Variants in LRMDA observed in about 807,000 individuals in gnomAD.
LRMDA encodes leucine rich melanocyte differentiation associated.
In LRMDA, 18 loss-of-function variants were observed where a neutral mutation model predicts 29.8. The ratio of observed to expected loss-of-function variants is 0.60; its 90% CI spans 0.42 to 0.90. LRMDA has a LOEUF of 0.90. Among genes scored for constraint, LRMDA ranks in the 40% least tolerant of loss-of-function variants. LRMDA has a pLI of 0.00. For synonymous variants in LRMDA, 125 were observed against 109.4 expected (o/e 1.14, Z -0.89); for missense variants, 273 against 273.9 (o/e 1.00, Z 0.02).
intron 5 of LRMDA, among the ~76,000 whole-genome samples, chr10:76,084,149 T>TAC (rs1198371176): frequency 4.6e-5 from 7 of 152,262 alleles, no homozygotes; most frequent in Non-Finnish European, 7.4e-5. Context: ...TCCAAGGGAC[T>TAC]TGGCTCAGTA....
At chr10:76,200,739 C>T (rs1289648802) in intron 5 of LRMDA, among the ~76,000 whole-genome samples, 1 of 146,764 alleles carries the variant, frequency 6.8e-6, no homozygotes, top group Admixed American at 6.9e-5. Flanking sequence ...CTTTCTGAGA[C>T]AGGGCTTAGC....
intron 2 of LRMDA, among the ~76,000 whole-genome samples, chr10:75,581,953 C>T (rs1022480619): frequency 6.6e-5 from 10 of 152,138 alleles, no homozygotes; most frequent in Admixed American, 2.0e-4. Flanking sequence ...CTTAAAGCTC[C>T]AAGATAGTAT....
intron 2 of LRMDA, among the ~76,000 whole-genome samples, chr10:75,984,343 A>G (rs1005602957): frequency 1.4e-4 from 21 of 152,136 alleles, no homozygotes; most frequent in African/African-American, 4.6e-4. Flanking sequence ...GCCTACGCAG[A>G]GCTTCCCTGC....
At chr10:76,401,903 G>T (rs775376084) in intron 6 of LRMDA, among the ~76,000 whole-genome samples, 2 of 152,124 alleles carry the variant, frequency 1.3e-5, no homozygotes, top group Non-Finnish European at 2.9e-5. Flanking sequence ...CTGACTAGGG[G>T]TATAGTGGGA....
chr10:76,134,091 G>A (rs1351043769), intron 5 of LRMDA, among the ~76,000 whole-genome samples: 1 of 152,156 alleles, frequency 6.6e-6, no homozygotes, highest in East Asian at 1.9e-4. Context: ...GAGCTTTCGA[G>A]GCACTGCAGC....
intron 5 of LRMDA, among the ~76,000 whole-genome samples, chr10:76,207,793 ATTTCTACTAAAAACACAAAAG>A (rs1363616970): frequency 6.6e-6 from 1 of 152,026 alleles, no homozygotes; most frequent in Non-Finnish European, 1.5e-5. Context: ...GTGGAACCTC[ATTTCTACTAAAAACACAAAAG>A]TTAGCTGGGC....
chr10:76,149,627 G>T (rs1850400195), intron 5 of LRMDA, among the ~76,000 whole-genome samples: 1 of 152,140 alleles, frequency 6.6e-6, no homozygotes, highest in Non-Finnish European at 1.5e-5. Flanking sequence ...TTTTGGCAGG[G>T]GTCTCCGTAG....
intron 6 of LRMDA, among the ~76,000 whole-genome samples, chr10:76,374,821 T>C (rs1180159135): frequency 6.6e-6 from 1 of 152,214 alleles, no homozygotes; most frequent in Non-Finnish European, 1.5e-5. Context: ...TATCAAGAAA[T>C]TCTTGAATCA....
At chr10:76,146,841 G>A (rs2132158975) in intron 5 of LRMDA, among the ~76,000 whole-genome samples, 1 of 152,270 alleles carries the variant, frequency 6.6e-6, no homozygotes, top group African/African-American at 2.4e-5. Context: ...TCCTTTCCAT[G>A]TTTAGTGCTT....
intron 2 of LRMDA, among the ~76,000 whole-genome samples, chr10:75,807,861 C>T (rs745974837): frequency 6.6e-6 from 1 of 152,172 alleles, no homozygotes; most frequent in Non-Finnish European, 1.5e-5. Context: ...TGAAATTACA[C>T]AGCTACCATT....
rs75094741 is a variant in LRMDA at position 76,380,283 on chromosome 10, A to G, written c.601+55798A>G. 7.5e-3 allele frequency among the ~76,000 whole-genome samples: 1,133 copies of G among 152,060 alleles called. 29 individuals are homozygous for G. The East Asian group carries it at 0.083, about 11-fold the overall frequency. ...TTTGTTGATTTTCTGCCTCCATGTC[A>G]TTGTTATTTTTCATTATTTATAGGT... On this transcript the variant is annotated intron_variant, in intron 6 of 6. Coordinates refer to ENST00000611255, the MANE Select transcript of LRMDA (RefSeq NM_001305581.2).
chr10:75,532,898 G>C (rs1479436507), intron 2 of LRMDA, among the ~76,000 whole-genome samples: 2 of 152,114 alleles, frequency 1.3e-5, no homozygotes, highest in African/African-American at 4.8e-5. Context: ...ATGAAGCCTG[G>C]TTTTGGGCAC....
chr10:76,126,780 T>G (rs1564659674), intron 5 of LRMDA, among the ~76,000 whole-genome samples: 1 of 152,186 alleles, frequency 6.6e-6, no homozygotes. Context: ...ATTGTGGAGT[T>G]GCATGTTAAA....
chr10:75,712,628 G>C (rs1842450360), intron 2 of LRMDA, among the ~76,000 whole-genome samples: 1 of 152,192 alleles, frequency 6.6e-6, no homozygotes, highest in African/African-American at 2.4e-5. Flanking sequence ...GAAAGACAGA[G>C]AGGAATTGCC....
At position 76,373,495 on chromosome 10, in the gene LRMDA, C is replaced by G. The variant is rs139734400; in HGVS notation, c.601+49010C>G. 8.5e-5 allele frequency among the ~76,000 whole-genome samples: 13 copies of G among 152,170 alleles called. No individual in the cohort carries two copies. The East Asian group carries it at 2.5e-3, about 29-fold the overall frequency. On this transcript the variant is annotated intron_variant, in intron 6 of 6. Transcript: ENST00000611255. ...TGGTATTCTGTCTGGACTTTGAGAG[C>G]TTAGCTTCAATGAACTATAAAGGGA...
At chr10:76,535,584 G>T (rs1843282125) in intron 6 of LRMDA, among the ~76,000 whole-genome samples, 1 of 152,034 alleles carries the variant, frequency 6.6e-6, no homozygotes, top group Admixed American at 6.6e-5. Flanking sequence ...AAGTTCATAT[G>T]CCAAGAAAAA....
intron 2 of LRMDA, among the ~76,000 whole-genome samples, chr10:76,035,105 T>C (rs550072641): frequency 1.3e-5 from 2 of 151,992 alleles, no homozygotes; most frequent in Admixed American, 6.6e-5. Flanking sequence ...TGTTTTTTTT[T>C]TTTTTTCCTG....
chr10:75,807,774 A>G (rs903856809), intron 2 of LRMDA, among the ~76,000 whole-genome samples: 1 of 152,216 alleles, frequency 6.6e-6, no homozygotes, highest in African/African-American at 2.4e-5. Flanking sequence ...GGAAAACATA[A>G]TGTACCTGTA....
intron 2 of LRMDA, among the ~76,000 whole-genome samples, chr10:76,014,300 A>C (rs1589289408): frequency 6.6e-6 from 1 of 151,782 alleles, no homozygotes; most frequent in East Asian, 2.0e-4. Context: ...TTACATAAAA[A>C]GTTTGCTGAT....
Sources: allele counts gnomAD v4.1 joint callset (sites outside exome capture counted in the v4.1 genomes callset), GRCh38; gene constraint gnomAD v4.1.1; transcripts MANE v1.5; gene names NCBI Gene and HGNC (gene_info 2026-07-23, HGNC 2026-07-21).